PTK7: variants seen among roughly 807,000 people sequenced by gnomAD.
PTK7 encodes protein tyrosine kinase 7 (inactive).
A neutral mutation model predicts 116.6 loss-of-function variants in PTK7; 39 were observed. That is an observed-to-expected ratio of 0.33 (90% CI 0.26 to 0.44). The LOEUF (loss-of-function observed/expected upper bound fraction) is 0.44. Ranked by LOEUF, PTK7 falls within the 20% of genes least tolerant of loss-of-function variation. The pLI is 1.00. For synonymous variants in PTK7, 546 were observed against 563.6 expected (o/e 0.97, Z 0.44); for missense variants, 1,169 against 1,425.6 (o/e 0.82, Z 2.90).
At chr6:43,088,675 G>C (rs1425746933) in intron 1 of PTK7, among the ~76,000 whole-genome samples, 1 of 151,790 alleles carries the variant, frequency 6.6e-6, no homozygotes, top group Non-Finnish European at 1.5e-5. Flanking sequence ...CTGGGTGAGA[G>C]TGAGACGCCA....
Position 43,139,491 on chromosome 6 carries a change from C to A in PTK7, c.1584C>A (p.Gly528=), listed in dbSNP as rs781436344. The A allele has an allele frequency of 5.0e-6, 8 of 1,614,220 alleles. No individual in the cohort carries two copies. The highest frequency in any genetic ancestry group is 6.8e-6 in the Non-Finnish European group (8 of 1,180,046). The change falls in exon 10 of 20, where the codon GGC becomes GGA. Residue 528 remains glycine (G), a synonymous_variant. Transcript: ENST00000230419. The surrounding 1 kb of genome is among the most constrained non-coding windows in gnomAD (Gnocchi z 4.6). ...KEATVPCSAT[G]REKPTIKWER... is the part of the protein sequence containing the mutation. Reference sequence around the variant, plus strand: ...CCACGGTGCCCTGTTCAGCCACAGGCCGAGAGAAGCCCACTATTAAGTGGG... The same window carrying A: ...CCACGGTGCCCTGTTCAGCCACAGGACGAGAGAAGCCCACTATTAAGTGGG...
intron 4 of PTK7, 31 bp from the exon 5 acceptor site, chr6:43,130,480 G>C (rs780691445): frequency 4.3e-6 from 7 of 1,610,764 alleles, no homozygotes; most frequent in Non-Finnish European, 3.4e-6. Flanking sequence ...CACCACCCAG[G>C]CTGCATGCTC....
chr6:43,104,621 A>G (rs1767761046), intron 1 of PTK7, among the ~76,000 whole-genome samples: 1 of 151,878 alleles, frequency 6.6e-6, no homozygotes, highest in Non-Finnish European at 1.5e-5. Flanking sequence ...CAACATGGTG[A>G]AAACCATGTT....
Position 43,086,894 on chromosome 6 carries a change from A to G in PTK7, c.79+10327A>G, listed in dbSNP as rs181361376. ...AAAAACCCTTCCTCCAGGTAGATGC[A>G]GTCCTGCACCAGGGTTCAGGCAGTA... On this transcript the variant is annotated intron_variant, in intron 1 of 19. Coordinates refer to ENST00000230419, the MANE Select transcript of PTK7 (RefSeq NM_002821.5). 4.1e-3 allele frequency among the ~76,000 whole-genome samples: 623 copies of G among 152,312 alleles called. 7 individuals carry two copies. The highest frequency in any genetic ancestry group is 6.5e-3 in the Non-Finnish European group (444 of 68,024).
chr6:43,119,274 C>T (rs112289049), intron 1 of PTK7, among the ~76,000 whole-genome samples: 70 of 152,122 alleles, frequency 4.6e-4, no homozygotes, highest in African/African-American at 1.5e-3. Context: ...GTCTCCTAGG[C>T]GGGAGACAGA....
chr6:43,113,197 C>G (rs746120097), intron 1 of PTK7, among the ~76,000 whole-genome samples: 1 of 152,000 alleles, frequency 6.6e-6, no homozygotes, highest in African/African-American at 2.4e-5. Context: ...TTGGGGAGGT[C>G]GAGGCGAGTG....
chr6:43,155,975 T>C (rs1222818970), intron 17 of PTK7, among the ~76,000 whole-genome samples: 3 of 152,076 alleles, frequency 2.0e-5, no homozygotes, highest in African/African-American at 7.2e-5. Flanking sequence ...ACGCCTGTAA[T>C]CCCAGCACTT....
intron 15 of PTK7, chr6:43,144,959 G>A (rs1770642273): frequency 2.3e-6 from 1 of 430,448 alleles, no homozygotes; most frequent in Non-Finnish European, 4.1e-6. Flanking sequence ...TGTTTACCAT[G>A]AGCCACCAAA....
chr6:43,098,603 G>A (rs1767384002), intron 1 of PTK7, among the ~76,000 whole-genome samples: 3 of 152,058 alleles, frequency 2.0e-5, no homozygotes, highest in South Asian at 4.1e-4. Flanking sequence ...TGATCCACCC[G>A]CCTCAGCCTC....
intron 1 of PTK7, among the ~76,000 whole-genome samples, chr6:43,093,817 A>G (rs1269431444): frequency 1.3e-5 from 2 of 152,204 alleles, no homozygotes; most frequent in East Asian, 3.8e-4. Context: ...AAATGAAAGT[A>G]CACTCCACAG....
chr6:43,137,025 C>G (rs777944900), intron 7 of PTK7, among the ~76,000 whole-genome samples: 10 of 152,128 alleles, frequency 6.6e-5, no homozygotes, highest in Non-Finnish European at 1.0e-4. Flanking sequence ...AAGAAATAAA[C>G]TCTACCTCTT....
intron 1 of PTK7, among the ~76,000 whole-genome samples, chr6:43,112,006 A>G (rs1768220874): frequency 6.6e-6 from 1 of 151,904 alleles, no homozygotes; most frequent in Non-Finnish European, 1.5e-5. Context: ...TATAGATACA[A>G]AAATGAAGGC....
chr6:43,134,862 A>G (rs1301585493), intron 7 of PTK7, among the ~76,000 whole-genome samples: 1 of 151,722 alleles, frequency 6.6e-6, no homozygotes, highest in African/African-American at 2.4e-5. Context: ...AGGCTGGAGG[A>G]TCATTTGAGC....
Position 43,144,579 on chromosome 6 carries a change from T to C in PTK7, c.2380T>C (p.Ser794Pro), listed in dbSNP as rs1017269203. The change falls in exon 15 of 20, where the codon TCT becomes CCT. Residue 794 changes from serine (S) to proline (P), a missense_variant. Transcript: ENST00000230419. ...AAGTGATAAGATGCACTTCCCACGGTCTAGCCTGCAGCCCATCACCACGCT... is the reference window on the plus strand; with the variant it reads ...AAGTGATAAGATGCACTTCCCACGGCCTAGCCTGCAGCCCATCACCACGCT... ...STSDKMHFPR[S>P]SLQPITTLGK... 1.7e-5 allele frequency: 27 copies of C among 1,613,440 alleles called. No homozygotes were observed. Among genetic ancestry groups the C allele is most frequent in the Non-Finnish European group, 2.2e-5 (26 of 1,179,664 alleles).
rs932013552 is a variant in PTK7, at chr6:43,076,722, AGGAGCCCGGGTGTCG to A, written c.79+160_79+174del. The A allele has an allele frequency of 7.3e-6, 10 of 1,377,296 alleles. No individual in the cohort carries two copies. In the African/African-American group the frequency reaches 1.5e-4, roughly 21 times the overall value. The allele number at this position is 1,377,296 out of a possible 1,614,324, so 85.3% of individuals were successfully genotyped here. A position where few individuals can be genotyped will look rare whatever the true frequency, so the allele number is the denominator to read the frequency against. Reference sequence around the variant, plus strand: ...TGCAGGCTTGCGGCGGAAGGGCGCAAGGAGCCCGGGTGTCGGGAGGCTGGCGAAGCCTCCAGGGAC... The same window carrying A: ...TGCAGGCTTGCGGCGGAAGGGCGCAAGGAGGCTGGCGAAGCCTCCAGGGAC... On this transcript the variant is annotated intron_variant, in intron 1 of 19. Transcript: ENST00000230419. This position sits in a 1 kb window ranked among gnomAD's most constrained non-coding sequence, Gnocchi z 5.7.
In PTK7 at chr6:43,129,184, C is replaced by G. The variant is rs1237566594; in HGVS notation, c.287C>G (p.Ser96Cys). 3 of 1,614,210 alleles carry G rather than the reference C, an allele frequency of 1.9e-6. No homozygotes were observed. Among genetic ancestry groups the G allele is most frequent in the South Asian group, 1.1e-5 (1 of 91,088 alleles). The change falls in exon 2 of 20, where the codon TCT (serine) becomes TGT (cysteine). Residue 96 changes from serine (S) to cysteine (C), a missense_variant. Physicochemically the swap from Ser to Cys is moderately radical, Grantham distance 112. This residue lies in a region of PTK7 where 487 missense variants were observed against 549.8 expected (regional missense o/e 0.89). Transcript: ENST00000230419. The surrounding 1 kb of genome is among the most constrained non-coding windows in gnomAD (Gnocchi z 4.5). ...SFAAVDRLQD[S>C]GTFQCVARDD... ...GCAGCTGTGGACCGGCTGCAGGACTCTGGCACCTTCCAGTGTGTGGCTCGG... is the reference window on the plus strand; with the variant it reads ...GCAGCTGTGGACCGGCTGCAGGACTGTGGCACCTTCCAGTGTGTGGCTCGG...
chr6:43,115,873 A>T (rs1768480677), intron 1 of PTK7, among the ~76,000 whole-genome samples: 1 of 147,860 alleles, frequency 6.8e-6, no homozygotes, highest in Non-Finnish European at 1.5e-5. Flanking sequence ...GGTTGCAGTG[A>T]GCCAAGATCG....
At chr6:43,091,436 G>A (rs1328631614) in intron 1 of PTK7, among the ~76,000 whole-genome samples, 3 of 152,132 alleles carry the variant, frequency 2.0e-5, no homozygotes, top group Non-Finnish European at 4.4e-5. Flanking sequence ...CGAAGTGTTG[G>A]GATTACAGGC....
intron 1 of PTK7, among the ~76,000 whole-genome samples, chr6:43,095,197 TAAAAAAAAAAAAAA>T (rs34914497): frequency 1.0e-4 from 9 of 89,014 alleles, no homozygotes; most frequent in Non-Finnish European, 1.9e-4. Flanking sequence ...CAGTCTCTAC[TAAAAAAAAAAAAAA>T]AAAAAAAAAA....
Sources: allele counts gnomAD v4.1 joint callset (sites outside exome capture counted in the v4.1 genomes callset), GRCh38; gene constraint gnomAD v4.1.1; regional missense constraint gnomAD v4.1.1; non-coding constraint Gnocchi (gnomAD v3.1); transcripts MANE v1.5; gene names NCBI Gene and HGNC (gene_info 2026-07-23, HGNC 2026-07-21).